NOX4: variants seen among roughly 807,000 people sequenced by gnomAD.
NOX4 encodes the protein kidney oxidase-1.
Under a neutral mutation model 87.6 loss-of-function variants are expected in NOX4, and 69 were observed. The observed-to-expected ratio is 0.79, with a 90% CI of 0.65 to 0.96. The LOEUF is 0.96. NOX4 is among the 40% of genes least tolerant of loss of function. NOX4 has a pLI of 0.00. For synonymous variants in NOX4, 275 were observed against 238.2 expected (o/e 1.15, Z -1.42); for missense variants, 680 against 681.5 (o/e 1.00, Z 0.02).
chr11:89,420,303 C>G (rs1943015018), intron 8 of NOX4, among the ~76,000 whole-genome samples: 1 of 152,106 alleles, frequency 6.6e-6, no homozygotes, highest in African/African-American at 2.4e-5. Context: ...ATAGAGTAAG[C>G]ATTATGTAAC....
At chr11:89,395,776 CTTGT>C (rs1189127943) in intron 11 of NOX4, among the ~76,000 whole-genome samples, 1 of 152,132 alleles carries the variant, frequency 6.6e-6, no homozygotes, top group African/African-American at 2.4e-5. Flanking sequence ...TTCCCCATTG[CTTGT>C]TTTTGTCAAG....
At chr11:89,456,367 A>C (rs1945198077) in intron 2 of NOX4, among the ~76,000 whole-genome samples, 1 of 152,200 alleles carries the variant, frequency 6.6e-6, no homozygotes, top group Non-Finnish European at 1.5e-5. Context: ...ACAGATTTTG[A>C]AAAGACTAAA....
chr11:89,467,349 C>CAAAAAAA (rs71052233), intron 2 of NOX4, among the ~76,000 whole-genome samples: 2 of 61,422 alleles, frequency 3.3e-5, no homozygotes, highest in African/African-American at 1.1e-4. Flanking sequence ...AAACTCGTCA[C>CAAAAAAA]AAAAAAAAAA....
intron 7 of NOX4, among the ~76,000 whole-genome samples, chr11:89,432,093 T>C (rs1943822380): frequency 6.6e-6 from 1 of 150,926 alleles, no homozygotes; most frequent in Non-Finnish European, 1.5e-5. Flanking sequence ...CAGCAAACTA[T>C]CGCAAGGACA....
chr11:89,438,868 TATATATA>T (rs1485219626), intron 6 of NOX4, among the ~76,000 whole-genome samples: 9 of 8,486 alleles, frequency 1.1e-3, no homozygotes, highest in African/African-American at 2.3e-3. Flanking sequence ...TTATATATTA[TATATATA>T]ATATATAATA....
chr11:89,476,019 A>G (rs1946152951), intron 2 of NOX4, among the ~76,000 whole-genome samples: 1 of 152,164 alleles, frequency 6.6e-6, no homozygotes, highest in Non-Finnish European at 1.5e-5. Context: ...ATATCCTGCC[A>G]TGTACAAAAC....
intron 5 of NOX4, chr11:89,443,357 G>C (rs1944540546): frequency 6.6e-6 from 1 of 151,488 alleles, no homozygotes; most frequent in East Asian, 2.0e-4. Flanking sequence ...GGGGAAAAAA[G>C]TTAATAAGTC....
intron 2 of NOX4, among the ~76,000 whole-genome samples, chr11:89,487,395 G>T (rs1253384297): frequency 6.6e-6 from 1 of 151,926 alleles, no homozygotes; most frequent in Non-Finnish European, 1.5e-5. Context: ...GTTTCTCATT[G>T]TCTGTGTCTT....
At chr11:89,487,810 C>T (rs1253321752) in intron 2 of NOX4, among the ~76,000 whole-genome samples, 1 of 152,166 alleles carries the variant, frequency 6.6e-6, no homozygotes, top group Admixed American at 6.5e-5. Context: ...CTTTGTTATA[C>T]TGCATTTCTT....
the NOX4 span, among the ~76,000 whole-genome samples, chr11:89,560,996 C>CTCTCTCTCTCTA: frequency 7.4e-5 from 3 of 40,804 alleles, no homozygotes; most frequent in East Asian, 9.5e-4. Context: ...CTCTCTCTCT[C>CTCTCTCTCTCTA]TATATATATA....
At position 89,438,366 on chromosome 11, in the gene NOX4, AAT is replaced by A. The variant is rs917950180; in HGVS notation, c.475+2320_475+2321del. ...ATACTATATATACTATATATTATAT[AAT>A]ATATATAATATATAATATATAATTA... On this transcript the variant is annotated intron_variant, in intron 6 of 17. Coordinates refer to ENST00000263317, the MANE Select transcript of NOX4 (RefSeq NM_016931.5). Among the ~76,000 whole-genome samples the A allele has an allele frequency of 6.2e-4, 69 of 111,634 alleles. No homozygotes were observed. The South Asian group carries it at 0.015, about 24-fold the overall frequency. The allele number at this position is 111,634 out of a possible 152,430, so 73.2% of individuals were successfully genotyped here. A position where few individuals can be genotyped will look rare whatever the true frequency, so the allele number is the denominator to read the frequency against.
At chr11:89,571,309 CTT>C in the NOX4 span, among the ~76,000 whole-genome samples, 818 of 144,438 alleles carry the variant, frequency 5.7e-3, 3 homozygotes, top group African/African-American at 0.011. Flanking sequence ...CTGATTTATA[CTT>C]TTTTTTTTTT....
the NOX4 span, among the ~76,000 whole-genome samples, chr11:89,587,709 TTA>T: frequency 6.6e-6 from 1 of 152,126 alleles, no homozygotes; most frequent in Non-Finnish European, 1.5e-5. Context: ...TAAAAATGGT[TTA>T]TGTGTTCAGA....
chr11:89,370,742 G>GT (rs1467094299), intron 12 of NOX4, among the ~76,000 whole-genome samples: 1 of 151,930 alleles, frequency 6.6e-6, no homozygotes, highest in Non-Finnish European at 1.5e-5. Context: ...GGTCTTCCAC[G>GT]TATCTAGGAG....
At chr11:89,399,049 T>A (rs1471399671) in intron 11 of NOX4, among the ~76,000 whole-genome samples, 1 of 151,800 alleles carries the variant, frequency 6.6e-6, no homozygotes, top group Admixed American at 6.6e-5. Flanking sequence ...TGGGGAAAAA[T>A]TTTTTTAAGT....
chr11:89,513,547 A>G, the NOX4 span, among the ~76,000 whole-genome samples: 1 of 152,084 alleles, frequency 6.6e-6, no homozygotes, highest in Non-Finnish European at 1.5e-5. Flanking sequence ...TCTTTGCAAT[A>G]CAATTGAGTC....
At chr11:89,560,985 T>C in the NOX4 span, among the ~76,000 whole-genome samples, 1 of 77,080 alleles carries the variant, frequency 1.3e-5, no homozygotes, top group East Asian at 3.6e-4. Context: ...TCTCTCTCTC[T>C]CTCTCTCTCT....
chr11:89,544,249 T>G, the NOX4 span, among the ~76,000 whole-genome samples: 3 of 152,288 alleles, frequency 2.0e-5, no homozygotes, highest in South Asian at 2.1e-4. Context: ...TCCAAGAGGC[T>G]ATTTCTAGCT....
At chr11:89,558,041 C>G in the NOX4 span, among the ~76,000 whole-genome samples, 1 of 152,018 alleles carries the variant, frequency 6.6e-6, no homozygotes, top group African/African-American at 2.4e-5. Context: ...TTACCTCAGC[C>G]CCAGGACCCA....
Sources: gnomAD v4.1 joint callset for allele counts (sites outside exome capture counted in the v4.1 genomes callset) on GRCh38, gnomAD v4.1.1 for gene constraint, MANE v1.5 for transcripts, NCBI Gene and HGNC (gene_info 2026-07-23, HGNC 2026-07-21) for gene names.